MCM2: variants seen among roughly 807,000 people sequenced by gnomAD.
MCM2 encodes the protein DNA replication licensing factor MCM2.
MCM2 carries 49 observed loss-of-function variants against 86.4 expected under a neutral mutation model. That is an observed-to-expected ratio of 0.57 (90% CI 0.45 to 0.72). MCM2 has a LOEUF of 0.72. Among genes scored for constraint, MCM2 ranks in the 30% least tolerant of loss-of-function variants. MCM2 has a pLI of 0.00. For missense variants in MCM2, 1,038 were observed against 1,259.9 expected (o/e 0.82, Z 2.67); for synonymous variants, 475 against 484.6 (o/e 0.98, Z 0.26).
chr3:127,601,550 C>A (rs9824789), intron 2 of MCM2, among the ~76,000 whole-genome samples: 187 of 152,110 alleles, frequency 1.2e-3, no homozygotes, highest in African/African-American at 4.2e-3. Flanking sequence ...AGTAGAGATG[C>A]GGTTTCGGTT....
At chr3:127,621,366 G>A in intron 15 of MCM2, 138 bp downstream of exon 15, 2 of 1,008,156 alleles carry the variant, frequency 2.0e-6, no homozygotes, top group Non-Finnish European at 1.4e-6. Context: ...CTTACAGTCT[G>A]TTGAGTCCAG....
intron 7 of MCM2, 116 bp downstream of exon 7, chr3:127,608,632 GT>G: frequency 1.4e-6 from 2 of 1,409,192 alleles, no homozygotes; most frequent in Non-Finnish European, 2.0e-6. Context: ...GCTAGGATCT[GT>G]TTTTGCATGG....
intron 8 of MCM2, among the ~76,000 whole-genome samples, chr3:127,609,459 C>G (rs2074376232): frequency 6.6e-6 from 1 of 152,200 alleles, no homozygotes; most frequent in East Asian, 1.9e-4. Context: ...GAAAAACAAC[C>G]CAGAATGGTG....
rs369879879 is a variant in MCM2 at position 127,605,171 on chromosome 3, C to T, written c.673+15C>T. 2.1e-5 allele frequency: 33 copies of T among 1,608,046 alleles called. No homozygotes were observed. The highest frequency in any genetic ancestry group is 8.3e-5 in the Admixed American group (5 of 59,904). On this transcript the variant is annotated intron_variant, in intron 4 of 15. Transcript: ENST00000265056. Reference sequence around the variant, plus strand: ...CATGTGCAAAGGTGTGGCTTCCCTACGCCCCCGCCTCAGCCCCTGTAGCGC... The same window carrying T: ...CATGTGCAAAGGTGTGGCTTCCCTATGCCCCCGCCTCAGCCCCTGTAGCGC...
At position 127,599,515 on chromosome 3, in the gene MCM2, T is replaced by G. The variant is rs3087452; in HGVS notation, c.204T>G (p.Asp68Glu). 2.4e-3 allele frequency: 3,873 copies of G among 1,613,972 alleles called. 68 individuals carry two copies. In the African/African-American group the frequency reaches 0.043, roughly 18 times the overall value. The change falls in exon 2 of 16, where the codon GAT (aspartate) becomes GAG (glutamate). Residue 68 changes from aspartate to glutamate, a missense_variant. Asp to Glu is a conservative substitution (Grantham distance 45). Coordinates refer to ENST00000265056, the MANE Select transcript of MCM2 (RefSeq NM_004526.4). ...GTEGPLEEEE[D>E]GEELIGDGME... ...AGGGGCCCCTGGAGGAAGAAGAGGATGGAGAGGAGCTCATTGGAGATGGCA... is the reference window on the plus strand; with the variant it reads ...AGGGGCCCCTGGAGGAAGAAGAGGAGGGAGAGGAGCTCATTGGAGATGGCA...
intron 8 of MCM2, chr3:127,610,889 G>A (rs909137144): frequency 1.5e-5 from 7 of 456,664 alleles, no homozygotes; most frequent in African/African-American, 1.4e-4. Flanking sequence ...TAGGAGAGGT[G>A]GGTGTTTCTC....
At position 127,617,530 on chromosome 3, in the gene MCM2, C is replaced by T. The variant is rs1165610296; in HGVS notation, c.1900+125C>T. 1 of 1,230,584 alleles carries T rather than the reference C, an allele frequency of 8.1e-7. No homozygotes were observed. The highest frequency in any genetic ancestry group is 1.5e-5 in the African/African-American group (1 of 65,612). 76.2% of individuals were successfully genotyped at this position (1,230,584 alleles called of 1,614,324 possible). ...GAAGTCATTGTGCAGCAGAGGGTTC[C>T]CCTCTTCTGCATATCCTGCCAGAGT... On this transcript the variant is annotated intron_variant, in intron 11 of 15. Coordinates refer to ENST00000265056, the MANE Select transcript of MCM2 (RefSeq NM_004526.4). The surrounding 1 kb of genome is among the most constrained non-coding windows in gnomAD (Gnocchi z 4.1).
At position 127,618,144 on chromosome 3, in the gene MCM2, G is replaced by A. The variant is rs930851332; in HGVS notation, c.2013+63G>A. On this transcript the variant is annotated intron_variant, in intron 12 of 15. Coordinates refer to ENST00000265056, the MANE Select transcript of MCM2 (RefSeq NM_004526.4). This position sits in a 1 kb window ranked among gnomAD's most constrained non-coding sequence, Gnocchi z 4.0. ...TTTGGGGACCTCAGGTGAGGCTTGG[G>A]GTCATACAGTGTGCCCAACACAGGG... 7.4e-6 allele frequency: 10 copies of A among 1,355,374 alleles called. No homozygotes were observed. In the African/African-American group the frequency reaches 1.3e-4, roughly 17 times the overall value. The allele number at this position is 1,355,374 out of a possible 1,614,324, so 84.0% of individuals were successfully genotyped here.
chr3:127,615,166 G>T (rs1453835834), intron 8 of MCM2, among the ~76,000 whole-genome samples: 2 of 152,224 alleles, frequency 1.3e-5, no homozygotes, highest in Non-Finnish European at 2.9e-5. Flanking sequence ...AGGGAAGGAT[G>T]TGGGTGTGGC....
In MCM2 at chr3:127,617,480, C is replaced by T. The variant is rs2107694880; in HGVS notation, c.1900+75C>T. 2.2e-5 allele frequency: 34 copies of T among 1,515,606 alleles called. No individual in the cohort carries two copies. The highest frequency in any genetic ancestry group is 2.3e-4 in the Middle Eastern group (1 of 4,338). 93.9% of individuals were successfully genotyped at this position (1,515,606 alleles called of 1,614,324 possible). A position where few individuals can be genotyped will look rare whatever the true frequency, so the allele number is the denominator to read the frequency against. The stretch of plus-strand genomic sequence containing the variant: ...CCCGCCTGCTTGAATTGGGAGCCCA[C>T]GGGGTCCCCAGGAGCCGATCTGAGG... On this transcript the variant is annotated intron_variant, in intron 11 of 15. Transcript: ENST00000265056. This position sits in a 1 kb window ranked among gnomAD's most constrained non-coding sequence, Gnocchi z 4.1.
intron 8 of MCM2, among the ~76,000 whole-genome samples, chr3:127,610,075 C>A (rs923407926): frequency 4.6e-5 from 7 of 151,980 alleles, no homozygotes; most frequent in Non-Finnish European, 1.0e-4. Flanking sequence ...AACTCCTGAC[C>A]TCAGGTGATC....
chr3:127,604,900 C>A lies in MCM2; in HGVS notation c.417C>A (p.Ser139Arg), dbSNP rs377197527. 3 of 1,609,040 alleles carry A rather than the reference C, an allele frequency of 1.9e-6. No homozygotes were observed. The African/African-American group carries it at 4.0e-5, about 21-fold the overall frequency. The part of the protein sequence containing the change: ...GRMRRGLLYD[S>R]DEEDEERPAR... ...AGGTGTCTCTTGCCTCCCCAGACAGCGATGAGGAGGACGAGGAGCGCCCTG... is the reference window on the plus strand; with the variant it reads ...AGGTGTCTCTTGCCTCCCCAGACAGAGATGAGGAGGACGAGGAGCGCCCTG... The change falls in exon 4 of 16, where the codon AGC becomes AGA. Residue 139 changes from serine (S) to arginine (R), a missense_variant. Physicochemically the swap from Ser to Arg is moderately radical, Grantham distance 110 (BLOSUM62 -1). Around this residue, in one of 4 missense-constraint regions of MCM2, gnomAD observed 300 missense variants for 307.4 expected, o/e 0.98. Coordinates refer to ENST00000265056, the MANE Select transcript of MCM2 (RefSeq NM_004526.4).
At chr3:127,607,651 G>A (rs1473368946) in intron 6 of MCM2, among the ~76,000 whole-genome samples, 1 of 152,236 alleles carries the variant, frequency 6.6e-6, no homozygotes, top group East Asian at 1.9e-4. Flanking sequence ...ACCTGAGATA[G>A]TACCTGGTAG....
In MCM2 at chr3:127,618,122, G is replaced by C; in HGVS notation, c.2013+41G>C. 1 of 1,533,736 alleles carries C rather than the reference G, an allele frequency of 6.5e-7. No individual in the cohort carries two copies. Among genetic ancestry groups the C allele is most frequent in the Non-Finnish European group, 9.0e-7 (1 of 1,110,456 alleles). ...GCCCGGTTTCCATGAACTGTGGTTTGGGGACCTCAGGTGAGGCTTGGGGTC... is the reference window on the plus strand; with the variant it reads ...GCCCGGTTTCCATGAACTGTGGTTTCGGGACCTCAGGTGAGGCTTGGGGTC... On this transcript the variant is annotated intron_variant, in intron 12 of 15. Coordinates refer to ENST00000265056, the MANE Select transcript of MCM2 (RefSeq NM_004526.4). The surrounding 1 kb of genome is among the most constrained non-coding windows in gnomAD (Gnocchi z 4.0).
chr3:127,599,245 T>G lies in MCM2; in HGVS notation c.7-73T>G, dbSNP rs180988793. 5.1e-4 allele frequency: 650 copies of G among 1,276,852 alleles called. 1 individual carries two copies. Among genetic ancestry groups the G allele is most frequent in the Non-Finnish European group, 6.9e-4 (609 of 883,970 alleles). 79.1% of individuals were successfully genotyped at this position (1,276,852 alleles called of 1,614,324 possible). A position where few individuals can be genotyped will look rare whatever the true frequency, so the allele number is the denominator to read the frequency against. ...GTGGAGAGAAAGAAGGGAAGGCCCC[T>G]GATGGTAAAAAGGAAGCTGTATCAT... is the stretch of plus-strand genomic sequence containing the variant. On this transcript the variant is annotated intron_variant, in intron 1 of 15. Coordinates refer to ENST00000265056, the MANE Select transcript of MCM2 (RefSeq NM_004526.4).
Position 127,611,682 on chromosome 3 carries a change from CTTTTTTTTTTTTTTTTTTTTT to C in MCM2, c.1428+2673_1428+2693del, listed in dbSNP as rs59607211. Among the ~76,000 whole-genome samples the C allele has an allele frequency of 2.8e-3, 150 of 54,308 alleles. 6 individuals are homozygous for C. Among genetic ancestry groups the C allele is most frequent in the Admixed American group, 0.013 (40 of 3,096 alleles). 35.6% of individuals were successfully genotyped at this position (54,308 alleles called of 152,430 possible). A position where few individuals can be genotyped will look rare whatever the true frequency, so the allele number is the denominator to read the frequency against. ...AAGCCCTGCAGGCTTCTGCAGCTGA[CTTTTTTTTTTTTTTTTTTTTT>C]TTTTTTTTTTTTTGAGACGGAGTCT... On this transcript the variant is annotated intron_variant, in intron 8 of 15. Transcript: ENST00000265056.
Position 127,619,196 on chromosome 3 carries a change from A to T in MCM2, c.2183A>T (p.Lys728Met). 2 of 1,614,188 alleles carry T rather than the reference A, an allele frequency of 1.2e-6. No homozygotes were observed. The highest frequency in any genetic ancestry group is 8.5e-7 in the Non-Finnish European group (1 of 1,180,036). Residue 728 changes from lysine (K) to methionine (M), a missense_variant, in exon 13 of 16, where the codon AAG (lysine) becomes ATG (methionine). Lys to Met is a moderately conservative substitution (Grantham distance 95). Coordinates refer to ENST00000265056, the MANE Select transcript of MCM2 (RefSeq NM_004526.4). Reference sequence around the variant, plus strand: ...CTGAAGAAGTACATCATCTACGCCAAGGAGAGGGTCCACCCGAAGCTCAAC... The same window carrying T: ...CTGAAGAAGTACATCATCTACGCCATGGAGAGGGTCCACCCGAAGCTCAAC... ...EVLKKYIIYA[K>M]ERVHPKLNQM...
At chr3:127,600,631 G>T (rs17496909) in intron 2 of MCM2, among the ~76,000 whole-genome samples, 79 of 152,280 alleles carry the variant, frequency 5.2e-4, no homozygotes, top group African/African-American at 1.9e-3. Context: ...GCTGTAGAAG[G>T]AATGAGGAGT....
At chr3:127,604,836 G>A (rs2074333069) in intron 3 of MCM2, 53 bp downstream of exon 3, 2 of 1,574,092 alleles carry the variant, frequency 1.3e-6, no homozygotes, top group East Asian at 2.3e-5. Flanking sequence ...GAAGGAGTCT[G>A]GGAGGGGAGT....
Sources: allele counts gnomAD v4.1 joint callset (sites outside exome capture counted in the v4.1 genomes callset), GRCh38; gene constraint gnomAD v4.1.1; regional missense constraint gnomAD v4.1.1; non-coding constraint Gnocchi (gnomAD v3.1); transcripts MANE v1.5; gene names NCBI Gene and HGNC (gene_info 2026-07-23, HGNC 2026-07-21).